Variants in PLA2G4C observed in about 807,000 individuals in gnomAD.
PLA2G4C encodes cytosolic phospholipase A2 gamma.
A neutral mutation model predicts 73.8 loss-of-function variants in PLA2G4C; 64 were observed. That is an observed-to-expected ratio of 0.87 (90% CI 0.71 to 1.07). The LOEUF (loss-of-function observed/expected upper bound fraction) is 1.07, where lower values mean the gene tolerates loss of function less well. Among genes scored for constraint, PLA2G4C ranks in the 50% least tolerant of loss-of-function variants. The pLI, the probability that PLA2G4C is intolerant of heterozygous loss-of-function variation, is 0.00. For synonymous variants in PLA2G4C, 254 were observed against 252.1 expected, an observed-to-expected ratio of 1.01 and a Z score of -0.07; for missense variants, 622 against 665.4, an observed-to-expected ratio of 0.93 and a Z score of 0.72.
intron 14 of PLA2G4C, 51 bp downstream of exon 14, chr19:48,061,947 G>A (rs763276111): frequency 1.3e-5 from 21 of 1,587,436 alleles, no homozygotes; most frequent in South Asian, 4.4e-5. Flanking sequence ...AGTCAGCTTC[G>A]CCGCAGCCCA....
chr19:48,086,220 G>C (rs945451490), intron 9 of PLA2G4C, among the ~76,000 whole-genome samples: 2 of 152,174 alleles, frequency 1.3e-5, no homozygotes, highest in African/African-American at 2.4e-5. Flanking sequence ...TGACTTGGGG[G>C]CATTTGCAAG....
chr19:48,058,317 G>A (rs1263602578), intron 14 of PLA2G4C, among the ~76,000 whole-genome samples: 2 of 151,374 alleles, frequency 1.3e-5, no homozygotes, highest in Non-Finnish European at 2.9e-5. Flanking sequence ...AAAAAAATTT[G>A]TGTGGAGATG....
chr19:48,106,383 A>G (rs2032238968), intron 2 of PLA2G4C, 139 bp downstream of exon 2: 6 of 715,976 alleles, frequency 8.4e-6, no homozygotes, highest in East Asian at 7.8e-5. Flanking sequence ...ATGGGCCACC[A>G]TGCCCAACCT....
intron 10 of PLA2G4C, among the ~76,000 whole-genome samples, chr19:48,079,724 C>A (rs963529985): frequency 6.6e-6 from 1 of 152,212 alleles, no homozygotes; most frequent in Admixed American, 6.5e-5. Context: ...GTAATCCTGG[C>A]ACTCTGGGAG....
At chr19:48,100,841 G>A (rs1237620415) in intron 4 of PLA2G4C, among the ~76,000 whole-genome samples, 2 of 148,554 alleles carry the variant, frequency 1.3e-5, no homozygotes, top group Non-Finnish European at 3.0e-5. Context: ...GTGAACCCGG[G>A]AGGCTGAGCT....
chr19:48,063,892 G>C (rs1398967597), intron 13 of PLA2G4C: 3 of 151,900 alleles, frequency 2.0e-5, no homozygotes, highest in Non-Finnish European at 4.4e-5. Flanking sequence ...CCAAGAAAGG[G>C]TTCTTGGATC....
At chr19:48,102,455 C>T (rs891895438) in intron 4 of PLA2G4C, among the ~76,000 whole-genome samples, 85 of 152,032 alleles carry the variant, frequency 5.6e-4, no homozygotes, top group African/African-American at 2.0e-3. Context: ...CGCGCCACTG[C>T]ACTCCAGCCT....
rs990590343 is a variant in PLA2G4C, at chr19:48,054,158, G to A, written c.1429+720C>T. The stretch of plus-strand genomic sequence containing the variant: ...TTCGGCCTGGCCTGGTGGTGATATG[G>A]TTTGGCTGTGTCCCCACCCAAATCT... On this transcript the variant is annotated intron_variant, in intron 15 of 16. Coordinates refer to ENST00000599921, the MANE Select transcript of PLA2G4C (RefSeq NM_003706.3). Among the ~76,000 whole-genome samples the A allele has an allele frequency of 6.6e-5, 10 of 152,260 alleles. No individual in the cohort carries two copies. In the South Asian group the frequency reaches 1.9e-3, roughly 28 times the overall value.
chr19:48,100,283 G>A (rs986143738), intron 4 of PLA2G4C, among the ~76,000 whole-genome samples: 3 of 152,032 alleles, frequency 2.0e-5, no homozygotes, highest in Non-Finnish European at 2.9e-5. Context: ...TTGGGAGGAC[G>A]AGGCGGGAGG....
chr19:48,084,579 C>T (rs79878077), intron 10 of PLA2G4C, among the ~76,000 whole-genome samples: 4,178 of 152,264 alleles, frequency 0.027, 148 homozygotes, highest in African/African-American at 0.084. Flanking sequence ...GATCAGAAAC[C>T]TGAACTCCTG....
intron 10 of PLA2G4C, among the ~76,000 whole-genome samples, chr19:48,079,517 C>A (rs772568671): frequency 6.6e-6 from 1 of 152,084 alleles, no homozygotes; most frequent in Non-Finnish European, 1.5e-5. Context: ...ATACAAAAAT[C>A]AACTCACAAA....
At position 48,099,707 on chromosome 19, in the gene PLA2G4C, G is replaced by A; in HGVS notation, c.411C>T (p.Phe137=). The A allele has an allele frequency of 6.2e-7, 1 of 1,614,082 alleles. No homozygotes were observed. The highest frequency in any genetic ancestry group is 8.5e-7 in the Non-Finnish European group (1 of 1,180,004). Residue 137 remains phenylalanine, a synonymous_variant, in exon 5 of 17, where the codon TTC becomes TTT. Transcript: ENST00000599921. ...GCTTAGAGATAACCATGTAGGCCCA[G>A]AAGTCGGTCAGAGAGTAATTCTCAG... ...ARSENYSLTD[F]WAYMVISKQT...
intron 16 of PLA2G4C, among the ~76,000 whole-genome samples, chr19:48,050,923 C>T (rs1206148414): frequency 2.0e-5 from 3 of 152,150 alleles, no homozygotes; most frequent in South Asian, 4.2e-4. Context: ...GATCTGCCTG[C>T]CTTAGCCTCC....
intron 6 of PLA2G4C, chr19:48,096,706 C>G (rs1434882018): frequency 6.6e-6 from 1 of 152,220 alleles, no homozygotes; most frequent in African/African-American, 2.4e-5. Context: ...TACCAGGACA[C>G]AGTTGCTGAA....
At chr19:48,100,170 G>A (rs2031821984) in intron 4 of PLA2G4C, among the ~76,000 whole-genome samples, 1 of 152,114 alleles carries the variant, frequency 6.6e-6, no homozygotes, top group Non-Finnish European at 1.5e-5. Context: ...ATATGTGACA[G>A]CAACAAACTG....
chr19:48,101,104 C>CTATATATATATATATA (rs869065676), intron 4 of PLA2G4C, among the ~76,000 whole-genome samples: 4 of 103,376 alleles, frequency 3.9e-5, no homozygotes, highest in African/African-American at 1.8e-4. Flanking sequence ...CACATAGAGT[C>CTATATATATATATATA]TATATATATA....
intron 7 of PLA2G4C, chr19:48,090,723 C>G: frequency 2.7e-6 from 1 of 363,942 alleles, no homozygotes; most frequent in African/African-American, 2.1e-5. Flanking sequence ...TCCATGCCAA[C>G]CCTTCTCAGC....
chr19:48,085,112 C>A lies in PLA2G4C; in HGVS notation c.791G>T (p.Gly264Val), dbSNP rs778711130. 1 of 1,608,568 alleles carries A rather than the reference C, an allele frequency of 6.2e-7. No individual in the cohort carries two copies. Among genetic ancestry groups the A allele is most frequent in the Admixed American group, 1.7e-5 (1 of 60,010 alleles). ...FDQLRNLTLK[G>V]LWRRAVANAK... ...ATTAGCAACAGCCCTTCTCCATAAA[C>A]CTGCCAAGAAAATAGCAATAAAATT... Residue 264 changes from glycine to valine, a missense_variant and splice_region_variant, in exon 10 of 17, where the codon GGT becomes GTT. Coordinates refer to ENST00000599921, the MANE Select transcript of PLA2G4C (RefSeq NM_003706.3).
At chr19:48,067,760 G>T in intron 13 of PLA2G4C, 31 bp downstream of exon 13, 4 of 1,419,388 alleles carry the variant, frequency 2.8e-6, no homozygotes, top group South Asian at 1.1e-5. Context: ...CGCAAGGACA[G>T]ACCAGGGCGG....
Sources: gnomAD v4.1 joint callset for allele counts (sites outside exome capture counted in the v4.1 genomes callset) on GRCh38, gnomAD v4.1.1 for gene constraint, MANE v1.5 for transcripts, NCBI Gene and HGNC (gene_info 2026-07-23, HGNC 2026-07-21) for gene names.